The following RPA3 variants were observed in gnomAD, a reference collection of about 807,000 sequenced individuals.
RPA3 encodes replication protein A3.
In RPA3, 24 loss-of-function variants were observed where a neutral mutation model predicts 13.7. That is an observed-to-expected ratio of 1.75 (90% CI 1.27 to 2.46). The LOEUF is 2.46. RPA3 is among the 30% of genes most tolerant of loss of function. RPA3 has a pLI of 0.00. For missense variants in RPA3, 183 were observed against 151.0 expected (o/e 1.21, Z -1.11); for synonymous variants, 59 against 51.2 (o/e 1.15, Z -0.65).
chr7:7,696,883 A>T lies in RPA3; in HGVS notation c.-1027-9555T>A, dbSNP rs150524703. Among the ~76,000 whole-genome samples the T allele has an allele frequency of 9.2e-5, 14 of 152,038 alleles. No individual in the cohort carries two copies. In the East Asian group the frequency reaches 2.7e-3, roughly 29 times the overall value. ...TGCCCTTTTCAGACATTCCTTCTGA[A>T]ATCTGTTAAGAATAACATAAGACTA... On this transcript the variant is annotated intron_variant, in intron 2 of 7. Coordinates refer to ENST00000223129, the MANE Select transcript of RPA3 (RefSeq NM_002947.5).
At chr7:7,668,849 C>T (rs1426953506) in intron 4 of RPA3, among the ~76,000 whole-genome samples, 3 of 152,182 alleles carry the variant, frequency 2.0e-5, no homozygotes, top group African/African-American at 4.8e-5. Flanking sequence ...GCAGCTTAAG[C>T]CCTCAAGGCC....
rs974127018 is a variant in RPA3, at chr7:7,656,888, A to T, written c.-757-15713T>A. The stretch of plus-strand genomic sequence containing the variant: ...GTTTCTAGATCCTTGAGGAATCACC[A>T]CACTGACTTCCACAATGGTTGAACT... On this transcript the variant is annotated intron_variant, in intron 4 of 7. Coordinates refer to ENST00000223129, the MANE Select transcript of RPA3 (RefSeq NM_002947.5). 4.6e-5 allele frequency among the ~76,000 whole-genome samples: 7 copies of T among 152,360 alleles called. No homozygotes were observed. In the South Asian group the frequency reaches 1.4e-3, roughly 32 times the overall value.
intron 2 of RPA3, among the ~76,000 whole-genome samples, chr7:7,713,953 G>A (rs879533204): frequency 1.8e-4 from 27 of 152,126 alleles, no homozygotes; most frequent in Admixed American, 3.3e-4. Flanking sequence ...TCCTGCCTTG[G>A]CCTCCTGAGT....
intron 2 of RPA3, among the ~76,000 whole-genome samples, chr7:7,698,621 C>T (rs1409168362): frequency 6.6e-6 from 1 of 152,056 alleles, no homozygotes; most frequent in African/African-American, 2.4e-5. Context: ...ACAGTTTTGA[C>T]TATCAAGTAA....
intron 2 of RPA3, among the ~76,000 whole-genome samples, chr7:7,709,687 C>T (rs1226353838): frequency 6.6e-6 from 1 of 152,144 alleles, no homozygotes; most frequent in Non-Finnish European, 1.5e-5. Flanking sequence ...GTTTTTTTAC[C>T]TGCTGAGGGT....
intron 4 of RPA3, among the ~76,000 whole-genome samples, chr7:7,645,899 A>G (rs934137687): frequency 6.6e-6 from 1 of 151,354 alleles, no homozygotes; most frequent in Non-Finnish European, 1.5e-5. Context: ...AAAATTTGGC[A>G]TTATGGTTAT....
chr7:7,649,146 G>A (rs1275529298), intron 4 of RPA3, among the ~76,000 whole-genome samples: 14 of 119,588 alleles, frequency 1.2e-4, no homozygotes, highest in African/African-American at 2.0e-4. Flanking sequence ...CGACAAGAGC[G>A]AGACTCCATC....
At chr7:7,717,074 T>TTTTTA (rs1780931849) in intron 1 of RPA3, among the ~76,000 whole-genome samples, 1 of 151,000 alleles carries the variant, frequency 6.6e-6, no homozygotes, top group Admixed American at 6.6e-5. Flanking sequence ...TTTTTTTTTT[T>TTTTTA]GAGACGGAGT....
intron 5 of RPA3, 147 bp downstream of exon 5, chr7:7,640,173 G>C: frequency 1.2e-6 from 1 of 828,220 alleles, no homozygotes; most frequent in South Asian, 1.4e-5. Context: ...AACGGCTAAA[G>C]AATTTCCAAA....
chr7:7,707,710 G>C (rs1420170124), intron 2 of RPA3, among the ~76,000 whole-genome samples: 1 of 152,144 alleles, frequency 6.6e-6, no homozygotes, highest in African/African-American at 2.4e-5. Flanking sequence ...GCTATTCTTA[G>C]TGTTAATATA....
At chr7:7,668,446 T>C (rs968396791) in intron 4 of RPA3, among the ~76,000 whole-genome samples, 3 of 152,186 alleles carry the variant, frequency 2.0e-5, no homozygotes, top group African/African-American at 4.8e-5. Flanking sequence ...TTTATTACTA[T>C]ATATTGTTAT....
At chr7:7,705,786 A>G (rs994360058) in intron 2 of RPA3, among the ~76,000 whole-genome samples, 3 of 152,188 alleles carry the variant, frequency 2.0e-5, no homozygotes, top group African/African-American at 7.2e-5. Flanking sequence ...AATGTAAAAT[A>G]TGGACTTTGG....
At position 7,637,121 on chromosome 7, in the gene RPA3, G is replaced by GA. The variant is rs770485654; in HGVS notation, c.284-40dup. The GA allele has an allele frequency of 6.6e-6, 9 of 1,366,740 alleles. No homozygotes were observed. The Admixed American group carries it at 1.4e-4, about 21-fold the overall frequency. The allele number at this position is 1,366,740 out of a possible 1,614,324, so 84.7% of individuals were successfully genotyped here. On this transcript the variant is annotated intron_variant, in intron 7 of 7. Transcript: ENST00000223129. ...TTAAGCAAACATTTAATCTACAATG[G>GA]AAAGTTGTAACATCAATTATTATCT...
At chr7:7,683,691 C>G (rs1454290353) in intron 4 of RPA3, among the ~76,000 whole-genome samples, 1 of 151,672 alleles carries the variant, frequency 6.6e-6, no homozygotes, top group African/African-American at 2.4e-5. Flanking sequence ...GGCATGGTCT[C>G]TGTTCACTGC....
At chr7:7,700,031 C>T (rs1780418469) in intron 2 of RPA3, among the ~76,000 whole-genome samples, 1 of 152,134 alleles carries the variant, frequency 6.6e-6, no homozygotes, top group Non-Finnish European at 1.5e-5. Flanking sequence ...TTTAGAGATG[C>T]TCAGTAAATA....
chr7:7,676,196 C>T lies in RPA3; in HGVS notation c.-758+9634G>A, dbSNP rs556666299. 181 of 398,632 alleles carry T rather than the reference C, an allele frequency of 4.5e-4. 1 individual carries two copies. The South Asian group carries it at 8.4e-3, about 18-fold the overall frequency. 24.7% of individuals were successfully genotyped at this position (398,632 alleles called of 1,614,324 possible). The stretch of plus-strand genomic sequence containing the variant: ...GCTTCGTGGCTCCACGACTTACTCT[C>T]TACCCTTGGCAGGTTAGTTACCCTT... On this transcript the variant is annotated intron_variant, in intron 4 of 7. Transcript: ENST00000223129.
intron 4 of RPA3, among the ~76,000 whole-genome samples, chr7:7,685,105 C>CT (rs1397906328): frequency 1.3e-5 from 2 of 151,942 alleles, no homozygotes; most frequent in Admixed American, 6.6e-5. Context: ...GGATGAGACT[C>CT]TAAGTAAAAT....
intron 7 of RPA3, among the ~76,000 whole-genome samples, chr7:7,637,608 G>A (rs534660479): frequency 2.0e-5 from 3 of 150,296 alleles, no homozygotes; most frequent in Non-Finnish European, 4.5e-5. Flanking sequence ...TTATGTAATT[G>A]TATGTAATAC....
intron 4 of RPA3, among the ~76,000 whole-genome samples, chr7:7,667,759 T>C (rs1779503903): frequency 6.6e-6 from 1 of 152,166 alleles, no homozygotes; most frequent in Admixed American, 6.5e-5. Flanking sequence ...AAATATTATA[T>C]TAAAGAAAGT....
Sources: gnomAD v4.1 joint callset for allele counts (sites outside exome capture counted in the v4.1 genomes callset) on GRCh38, gnomAD v4.1.1 for gene constraint, MANE v1.5 for transcripts, NCBI Gene and HGNC (gene_info 2026-07-23, HGNC 2026-07-21) for gene names.